FAM200B: variants seen among roughly 807,000 people sequenced by gnomAD.
FAM200B encodes protein FAM200B.
A neutral mutation model predicts 33.1 loss-of-function variants in FAM200B; 32 were observed. The ratio of observed to expected loss-of-function variants is 0.97; its 90% CI spans 0.73 to 1.30. The LOEUF is 1.30. Ranked by LOEUF, FAM200B falls within the 50% of genes most tolerant of loss-of-function variation. The pLI is 0.00. For missense variants in FAM200B, 741 were observed against 754.0 expected, an observed-to-expected ratio of 0.98 and a Z score of 0.20; for synonymous variants, 240 against 264.8, an observed-to-expected ratio of 0.91 and a Z score of 0.91.
the FAM200B span, chr4:15,655,285 C>T: frequency 1.4e-6 from 2 of 1,426,840 alleles, no homozygotes; most frequent in Non-Finnish European, 1.9e-6. Flanking sequence ...GAAAGGGCGC[C>T]ATCGCCACTG....
the FAM200B span, among the ~76,000 whole-genome samples, chr4:15,643,476 G>A: frequency 6.6e-6 from 1 of 152,214 alleles, no homozygotes; most frequent in African/African-American, 2.4e-5. Flanking sequence ...ACTATACCCA[G>A]TAATATCTTT....
chr4:15,640,624 CG>C, the FAM200B span, among the ~76,000 whole-genome samples: 556 of 151,782 alleles, frequency 3.7e-3, no homozygotes, highest in Non-Finnish European at 6.1e-3. Context: ...ACAAAACAAA[CG>C]TTTTTTTTTT....
chr4:15,680,196 G>T (rs755014219), upstream of FAM200B, among the ~76,000 whole-genome samples: 8 of 152,018 alleles, frequency 5.3e-5, no homozygotes, highest in Non-Finnish European at 1.2e-4. Context: ...TCATCTGCTT[G>T]TATCTCTGCA....
the FAM200B span, among the ~76,000 whole-genome samples, chr4:15,666,428 T>A: frequency 6.6e-6 from 1 of 151,994 alleles, no homozygotes; most frequent in Admixed American, 6.6e-5. Context: ...ACATACCACA[T>A]GATCTCACAT....
chr4:15,672,926 C>T, the FAM200B span, among the ~76,000 whole-genome samples: 4 of 151,642 alleles, frequency 2.6e-5, no homozygotes, highest in Admixed American at 6.6e-5. Context: ...TTTATTTTTA[C>T]GAGACACAAA....
At chr4:15,641,969 G>A in the FAM200B span, among the ~76,000 whole-genome samples, 925 of 151,874 alleles carry the variant, frequency 6.1e-3, 35 homozygotes, top group Admixed American at 0.05. Flanking sequence ...AGGAGGTTGC[G>A]GTGAGCCGAG....
At chr4:15,654,325 C>T in the FAM200B span, among the ~76,000 whole-genome samples, 1 of 152,328 alleles carries the variant, frequency 6.6e-6, no homozygotes, top group East Asian at 1.9e-4. Context: ...CCAACATAAA[C>T]TGACAAATAC....
chr4:15,680,981 C>G (rs988350066), upstream of FAM200B, among the ~76,000 whole-genome samples: 4 of 137,214 alleles, frequency 2.9e-5, no homozygotes, highest in African/African-American at 1.0e-4. Flanking sequence ...AAATATATAT[C>G]TCAACCACAA....
chr4:15,641,704 C>G, the FAM200B span: 2 of 430,082 alleles, frequency 4.7e-6, no homozygotes, highest in South Asian at 3.3e-5. Flanking sequence ...ACCCTAATCC[C>G]CATGTTGTTC....
At position 15,688,218 on chromosome 4, in the gene FAM200B, C is replaced by G; in HGVS notation, c.1241C>G (p.Ser414Cys). The G allele has an allele frequency of 2.6e-6, 4 of 1,550,516 alleles. No homozygotes were observed. Among genetic ancestry groups the G allele is most frequent in the Non-Finnish European group, 3.5e-6 (4 of 1,146,318 alleles). Residue 414 changes from serine (S) to cysteine (C), a missense_variant, in exon 2 of 2, where the codon TCT (serine) becomes TGT (cysteine). Ser to Cys is a moderately radical substitution (Grantham distance 112, BLOSUM62 -1). Transcript: ENST00000422728. ...CACTTTTTTCTCATTGAAAAAAAATCTCATTTGGCAAGTATTTTTGAAGAT... is the reference window on the plus strand; with the variant it reads ...CACTTTTTTCTCATTGAAAAAAAATGTCATTTGGCAAGTATTTTTGAAGAT... ...EIHFFLIEKK[S>C]HLASIFEDDT...
the FAM200B span, chr4:15,644,671 C>T: frequency 6.2e-7 from 1 of 1,610,366 alleles, no homozygotes; most frequent in Non-Finnish European, 8.5e-7. Context: ...CAGAAGAGCA[C>T]GGAAATCGTT....
At chr4:15,666,892 A>G in the FAM200B span, among the ~76,000 whole-genome samples, 1 of 152,170 alleles carries the variant, frequency 6.6e-6, no homozygotes, top group African/African-American at 2.4e-5. Flanking sequence ...AGACAGGCAA[A>G]TGGAGTGCTA....
the FAM200B span, among the ~76,000 whole-genome samples, chr4:15,668,606 T>A: frequency 6.6e-6 from 1 of 152,122 alleles, no homozygotes; most frequent in East Asian, 1.9e-4. Context: ...TGAAGATAAT[T>A]TAATATGTGC....
chr4:15,649,720 A>C, the FAM200B span, among the ~76,000 whole-genome samples: 2 of 152,092 alleles, frequency 1.3e-5, no homozygotes, highest in African/African-American at 2.4e-5. Context: ...AAACCTGGAC[A>C]CTAATGGTTC....
chr4:15,690,087 AAATATGTGGC>A lies in FAM200B; in HGVS notation c.*1139_*1148del, dbSNP rs1032011784. On this transcript the variant is annotated 3_prime_UTR_variant, in exon 2 of 2. Coordinates refer to ENST00000422728, the MANE Select transcript of FAM200B (RefSeq NM_001145191.2). ...GCAGTCATTCCCAAGAGTAATTATT[AAATATGTGGC>A]AAATTTCTTTGCCTTTTTACTTTTA... The A allele has an allele frequency of 1.4e-4, 23 of 167,136 alleles. No individual in the cohort carries two copies. The highest frequency in any genetic ancestry group is 5.3e-4 in the African/African-American group (22 of 41,480). The allele number at this position is 167,136 out of a possible 1,614,324, so 10.4% of individuals were successfully genotyped here.
the FAM200B span, among the ~76,000 whole-genome samples, chr4:15,668,042 TA>T: frequency 0.38 from 50,012 of 132,340 alleles, 8,714 homozygotes; most frequent in African/African-American, 0.4. Flanking sequence ...ACTCTATCTC[TA>T]AAAAAAAAAA....
At chr4:15,675,923 G>A in the FAM200B span, among the ~76,000 whole-genome samples, 1 of 152,134 alleles carries the variant, frequency 6.6e-6, no homozygotes, top group Non-Finnish European at 1.5e-5. Context: ...ATGCTATTCT[G>A]ACTACCTCAA....
chr4:15,638,581 A>C, the FAM200B span: 3 of 1,612,418 alleles, frequency 1.9e-6, no homozygotes, highest in Non-Finnish European at 2.5e-6. Flanking sequence ...ATAGGCTAAG[A>C]CCTCTAAGGA....
At chr4:15,643,772 G>A in the FAM200B span, among the ~76,000 whole-genome samples, 1 of 152,148 alleles carries the variant, frequency 6.6e-6, no homozygotes, top group Non-Finnish European at 1.5e-5. Context: ...TTCATTCTAA[G>A]TAATAATTAT....
Sources: gnomAD v4.1 joint callset for allele counts (sites outside exome capture counted in the v4.1 genomes callset) on GRCh38, gnomAD v4.1.1 for gene constraint, MANE v1.5 for transcripts, NCBI Gene and HGNC (gene_info 2026-07-23, HGNC 2026-07-21) for gene names.